SLC14A2: variants seen among roughly 807,000 people sequenced by gnomAD.
SLC14A2 encodes the protein solute carrier family 14 member 2.
Under a neutral mutation model 104.6 loss-of-function variants are expected in SLC14A2, and 91 were observed. That is an observed-to-expected ratio of 0.87 (90% CI 0.73 to 1.04). The LOEUF is 1.04. Among genes scored for constraint, SLC14A2 ranks in the 50% least tolerant of loss-of-function variants. The probability of loss-of-function intolerance (pLI) is 0.00; values close to 1 mark genes in which losing one functional copy is unlikely to be tolerated. For synonymous variants in SLC14A2, 476 were observed against 466.4 expected (o/e 1.02, Z -0.27); for missense variants, 1,189 against 1,156.0 (o/e 1.03, Z -0.41).
chr18:45,232,289 G>T (rs2084182403), intron 1 of SLC14A2, among the ~76,000 whole-genome samples: 1 of 152,202 alleles, frequency 6.6e-6, no homozygotes, highest in African/African-American at 2.4e-5. Flanking sequence ...GATCAGGAGA[G>T]AGAGAGTGAA....
At chr18:45,298,971 A>G (rs190563040) in intron 1 of SLC14A2, among the ~76,000 whole-genome samples, 1 of 152,188 alleles carries the variant, frequency 6.6e-6, no homozygotes, top group Non-Finnish European at 1.5e-5. Context: ...GCCATTATTT[A>G]ACTGTTAAAA....
Position 45,573,260 on chromosome 18 carries a change from T to G in SLC14A2, c.-34-51371T>G, listed in dbSNP as rs186301545. On this transcript the variant is annotated intron_variant, in intron 2 of 20. Transcript: ENST00000586448. ...TTCTAGCAGGTTTCTAGATGATGCTTATGGCACTGACCCAGGCTCCATACT... is the reference window on the plus strand; with the variant it reads ...TTCTAGCAGGTTTCTAGATGATGCTGATGGCACTGACCCAGGCTCCATACT... Among the ~76,000 whole-genome samples the G allele has an allele frequency of 3.3e-5, 5 of 152,330 alleles. No individual in the cohort carries two copies. The East Asian group carries it at 9.6e-4, about 29-fold the overall frequency.
At chr18:45,670,460 G>A (rs924506095) in intron 16 of SLC14A2, among the ~76,000 whole-genome samples, 4 of 152,138 alleles carry the variant, frequency 2.6e-5, no homozygotes, top group Admixed American at 6.5e-5. Context: ...ACAGTCTGGC[G>A]CTCACTCTGA....
rs1337103811 is a variant in SLC14A2, at chr18:45,391,324, A to G, written c.-124-91909A>G. Among the ~76,000 whole-genome samples the G allele has an allele frequency of 5.3e-5, 8 of 152,160 alleles. No individual in the cohort carries two copies. In the East Asian group the frequency reaches 1.5e-3, roughly 29 times the overall value. Reference sequence around the variant, plus strand: ...CCACACTTTCTTAATCCAGTCTATCATTGTTGGACATTTGGCTTAGTTCCA... The same window carrying G: ...CCACACTTTCTTAATCCAGTCTATCGTTGTTGGACATTTGGCTTAGTTCCA... On this transcript the variant is annotated intron_variant, in intron 1 of 20. Transcript: ENST00000586448.
At chr18:45,325,464 G>A (rs2144248251) in intron 1 of SLC14A2, among the ~76,000 whole-genome samples, 1 of 152,320 alleles carries the variant, frequency 6.6e-6, no homozygotes. Context: ...CTCCCTAGGA[G>A]AAACTCAAAC....
chr18:45,564,002 T>A (rs1370355729), intron 2 of SLC14A2, among the ~76,000 whole-genome samples: 2 of 152,336 alleles, frequency 1.3e-5, no homozygotes, highest in Middle Eastern at 6.8e-3. Context: ...CTAACCAGAT[T>A]GTCATCGATG....
At chr18:45,310,861 C>T (rs1469664840) in intron 1 of SLC14A2, among the ~76,000 whole-genome samples, 1 of 152,118 alleles carries the variant, frequency 6.6e-6, no homozygotes, top group African/African-American at 2.4e-5. Context: ...AGCGGGGTTA[C>T]TAGAGCAGTT....
chr18:45,381,198 A>G (rs1181429328), intron 1 of SLC14A2, among the ~76,000 whole-genome samples: 1 of 152,198 alleles, frequency 6.6e-6, no homozygotes, highest in African/African-American at 2.4e-5. Flanking sequence ...GACCAGCTAG[A>G]GCTGAGCTCT....
intron 1 of SLC14A2, among the ~76,000 whole-genome samples, chr18:45,285,661 GCCCCCCC>G (rs10536916): frequency 1.6e-5 from 2 of 125,094 alleles, no homozygotes; most frequent in African/African-American, 5.4e-5. Flanking sequence ...CAGGTGATCT[GCCCCCCC>G]CCCCCCTCGG....
intron 1 of SLC14A2, among the ~76,000 whole-genome samples, chr18:45,451,911 G>T (rs972413205): frequency 2.0e-5 from 3 of 152,148 alleles, no homozygotes; most frequent in African/African-American, 7.2e-5. Context: ...TGCCCTTTCT[G>T]CAAGTCAAAC....
intron 1 of SLC14A2, among the ~76,000 whole-genome samples, chr18:45,617,054 C>A (rs766649681): frequency 4.6e-5 from 7 of 152,212 alleles, no homozygotes; most frequent in Non-Finnish European, 1.0e-4. Context: ...GCCGAGATTG[C>A]GCCACTGCAC....
At chr18:45,180,748 T>G in the SLC14A2 span, among the ~76,000 whole-genome samples, 1 of 152,180 alleles carries the variant, frequency 6.6e-6, no homozygotes, top group Admixed American at 6.5e-5. Flanking sequence ...CAACTAAAAC[T>G]TAGTGAAATG....
rs573024823 is a variant in SLC14A2, at chr18:45,579,266, G to A, written c.-34-45365G>A. Among the ~76,000 whole-genome samples the A allele has an allele frequency of 5.9e-5, 9 of 152,336 alleles. No individual in the cohort carries two copies. In the East Asian group the frequency reaches 1.3e-3, roughly 23 times the overall value. On this transcript the variant is annotated intron_variant, in intron 2 of 20. Coordinates refer to the SLC14A2 transcript ENST00000586448. ...CTCTTTGTATGGGCTTGGATGCAAGGGGGCATGGAGAATTGAGACCATTTT... is the reference window on the plus strand; with the variant it reads ...CTCTTTGTATGGGCTTGGATGCAAGAGGGCATGGAGAATTGAGACCATTTT...
At chr18:45,514,001 C>G (rs771805843) in intron 2 of SLC14A2, among the ~76,000 whole-genome samples, 3 of 152,178 alleles carry the variant, frequency 2.0e-5, no homozygotes, top group Admixed American at 1.3e-4. Context: ...TTCTAACTTA[C>G]AGTTGCTAGT....
rs192450356 is a variant in SLC14A2 at position 45,541,804 on chromosome 18, A to G, written c.-35+58482A>G. 1.4e-3 allele frequency among the ~76,000 whole-genome samples: 207 copies of G among 152,314 alleles called. 1 individual carries two copies. The highest frequency in any genetic ancestry group is 4.6e-3 in the African/African-American group (193 of 41,576). Reference sequence around the variant, plus strand: ...GTCACTGCATTGTCTCTTTTCGCCTATGGCTGGGGCTTCATGAGATATAAT... The same window carrying G: ...GTCACTGCATTGTCTCTTTTCGCCTGTGGCTGGGGCTTCATGAGATATAAT... On this transcript the variant is annotated intron_variant, in intron 2 of 20. Transcript: ENST00000586448.
chr18:45,563,328 G>T (rs913858850), intron 2 of SLC14A2, among the ~76,000 whole-genome samples: 1 of 152,220 alleles, frequency 6.6e-6, no homozygotes, highest in African/African-American at 2.4e-5. Flanking sequence ...GCTCTCTGTA[G>T]GAACTGGGGG....
At chr18:45,299,357 T>C (rs2084945784) in intron 1 of SLC14A2, among the ~76,000 whole-genome samples, 1 of 152,256 alleles carries the variant, frequency 6.6e-6, no homozygotes, top group Non-Finnish European at 1.5e-5. Context: ...ATCTTTTTGG[T>C]TGTCCTTCGA....
intron 1 of SLC14A2, among the ~76,000 whole-genome samples, chr18:45,417,351 C>T (rs972538054): frequency 4.6e-5 from 7 of 152,104 alleles, no homozygotes; most frequent in Non-Finnish European, 1.0e-4. Context: ...TCCATTCTCA[C>T]GCTGCTATAA....
chr18:45,288,687 T>C (rs767585138), intron 1 of SLC14A2, among the ~76,000 whole-genome samples: 11 of 152,186 alleles, frequency 7.2e-5, no homozygotes, highest in Non-Finnish European at 1.5e-4. Context: ...CTCATCCCAA[T>C]TCTGAGGGTC....
Sources: gnomAD v4.1 joint callset for allele counts (sites outside exome capture counted in the v4.1 genomes callset) on GRCh38, gnomAD v4.1.1 for gene constraint, MANE v1.5 for transcripts, NCBI Gene and HGNC (gene_info 2026-07-23, HGNC 2026-07-21) for gene names.